The following THBS2 variants were observed in gnomAD, a reference collection of about 807,000 sequenced individuals.
THBS2 encodes the protein thrombospondin-2.
A neutral mutation model predicts 135.2 loss-of-function variants in THBS2; 47 were observed. That is an observed-to-expected ratio of 0.35 (90% confidence interval 0.28 to 0.44). The LOEUF is 0.44. THBS2 is among the 20% of genes least tolerant of loss of function. The pLI is 1.00. For missense variants in THBS2, 1,288 were observed against 1,603.1 expected, an observed-to-expected ratio of 0.80 and a Z score of 3.36; for synonymous variants, 639 against 633.8, an observed-to-expected ratio of 1.01 and a Z score of -0.12.
intron 2 of THBS2, among the ~76,000 whole-genome samples, chr6:169,250,333 A>G (rs1002843014): frequency 6.6e-6 from 1 of 152,224 alleles, no homozygotes; most frequent in Admixed American, 6.5e-5. Context: ...ATTGAAAAAG[A>G]TCAGGCTTTA....
intron 4 of THBS2, among the ~76,000 whole-genome samples, chr6:169,242,855 ACC>A (rs1173115529): frequency 2.7e-4 from 6 of 22,622 alleles, no homozygotes; most frequent in African/African-American, 2.8e-4. Flanking sequence ...CACTGCTCCC[ACC>A]TTCCCACCTT....
Position 169,241,877 on chromosome 6 carries a change from G to A in THBS2, c.776C>T (p.Ser259Leu), listed in dbSNP as rs200708283. 2.3e-4 allele frequency: 377 copies of A among 1,612,260 alleles called. 3 individuals carry two copies. In the Admixed American group the frequency reaches 6.1e-3, roughly 26 times the overall value. The change falls in exon 5 of 22, where the codon TCG becomes TTG. Residue 259 changes from serine (S) to leucine (L), a missense_variant. This residue lies in a region of THBS2 where 414 missense variants were observed against 447.0 expected (regional missense o/e 0.93). Coordinates refer to ENST00000617924, the MANE Select transcript of THBS2 (RefSeq NM_003247.5). The surrounding 1 kb of genome is among the most constrained non-coding windows in gnomAD (Gnocchi z 5.5). ...TTCGCACACCTCGGGCCTCCTCTCC[G>A]AGCTGGGGCCCACGTACTCGGTGGT... ...HVTTEYVGPS[S>L]ERRPEVCERS...
chr6:169,245,717 A>G (rs1012785197), intron 4 of THBS2, among the ~76,000 whole-genome samples: 42 of 149,724 alleles, frequency 2.8e-4, no homozygotes, highest in East Asian at 1.6e-3. Context: ...GCGTGAACCC[A>G]GGAGGCAGAG....
rs9766500 is a variant in THBS2, at chr6:169,242,002, G to A, written c.695-44C>T. On this transcript the variant is annotated intron_variant, in intron 4 of 21. Transcript: ENST00000617924. ...GGGCCGTGAGCATCACAGAGGACGG[G>A]GCCAGCAGCAGGGGCTGGGAACAGA... 1,001 of 1,566,006 alleles carry A rather than the reference G, an allele frequency of 6.4e-4. 6 individuals carry two copies. In the African/African-American group the frequency reaches 0.012, roughly 19 times the overall value.
intron 4 of THBS2, among the ~76,000 whole-genome samples, chr6:169,242,556 C>CA: frequency 6.6e-6 from 1 of 150,722 alleles, no homozygotes; most frequent in Non-Finnish European, 1.5e-5. Flanking sequence ...CACCTTCCCA[C>CA]TGCTCCTAAC....
At chr6:169,239,356 G>A (rs897940790) in intron 7 of THBS2, 22 of 539,714 alleles carry the variant, frequency 4.1e-5, no homozygotes, top group South Asian at 2.5e-4. Flanking sequence ...CAGCTTCCTC[G>A]TCTGAGAAGC....
intron 9 of THBS2, among the ~76,000 whole-genome samples, chr6:169,236,891 C>G (rs1259018544): frequency 6.6e-6 from 1 of 152,256 alleles, no homozygotes; most frequent in Non-Finnish European, 1.5e-5. Context: ...AGCTGCGGTG[C>G]TGGATCATTC....
rs1291099193 is a variant in THBS2, at chr6:169,226,257, T to C, written c.2461A>G (p.Thr821Ala). The change falls in exon 16 of 22, where the codon ACT (threonine) becomes GCT (alanine). Residue 821 changes from threonine to alanine, a missense_variant. Thr to Ala is a moderately conservative substitution (Grantham distance 58). This residue lies in a region of THBS2 where 874 missense variants were observed against 1,156.1 expected (regional missense o/e 0.76). Coordinates refer to ENST00000617924, the MANE Select transcript of THBS2 (RefSeq NM_003247.5). ...ERDNCPYVYN[T>A]DQRDTDGDGV... ...TCACCATCCGTGTCCCTCTGGTCAG[T>C]GTTGTAGACGTAGGGACAATTGTCT... The C allele has an allele frequency of 1.9e-6, 3 of 1,614,128 alleles. No homozygotes were observed. The highest frequency in any genetic ancestry group is 2.2e-5 in the East Asian group (1 of 44,878).
chr6:169,217,460 TCAACTC>T lies in THBS2; in HGVS notation c.*356_*361del. The T allele has an allele frequency of 7.7e-6, 2 of 258,312 alleles. 1 individual carries two copies. The highest frequency in any genetic ancestry group is 1.5e-5 in the Non-Finnish European group (2 of 137,004). The allele number at this position is 258,312 out of a possible 1,614,324, so 16.0% of individuals were successfully genotyped here. On this transcript the variant is annotated 3_prime_UTR_variant, in exon 22 of 22. Coordinates refer to ENST00000617924, the MANE Select transcript of THBS2 (RefSeq NM_003247.5). ...TAATGGCTTATGCACAGTATTCCCT[TCAACTC>T]CATATACACATAAATACAATAAGTA...
chr6:169,239,614 G>A lies in THBS2; in HGVS notation c.1114C>T (p.Pro372Ser). Residue 372 changes from proline to serine, a missense_variant, in exon 7 of 22, where the codon CCT (proline) becomes TCT (serine). Around this residue, in one of 2 missense-constraint regions of THBS2, gnomAD observed 874 missense variants for 1,156.1 expected, o/e 0.76. Coordinates refer to ENST00000617924, the MANE Select transcript of THBS2 (RefSeq NM_003247.5). ...CGATACTCACAGTGGAGGCAGGAAG[G>A]GCAGCATTCGCCTTCCACAAAGGAT... is the stretch of plus-strand genomic sequence containing the variant. ...SPSFVEGECC[P>S]SCLHSVDGEE... 1 of 1,602,632 alleles carries A rather than the reference G, an allele frequency of 6.2e-7. No homozygotes were observed. The highest frequency in any genetic ancestry group is 8.5e-7 in the Non-Finnish European group (1 of 1,175,484).
intron 14 of THBS2, among the ~76,000 whole-genome samples, chr6:169,229,090 TCAATGTCTC>T (rs1779743447): frequency 1.3e-5 from 2 of 152,136 alleles, no homozygotes; most frequent in Non-Finnish European, 2.9e-5. Context: ...GATTAGTGAG[TCAATGTCTC>T]CCATCAAAGT....
intron 7 of THBS2, chr6:169,239,391 G>A (rs539686937): frequency 1.0e-5 from 6 of 576,450 alleles, no homozygotes; most frequent in South Asian, 2.1e-5. Flanking sequence ...TCCCACCCCC[G>A]CGTTCCCAGG....
intron 3 of THBS2, 102 bp downstream of exon 3, chr6:169,248,315 G>A (rs553227291): frequency 1.1e-5 from 15 of 1,381,100 alleles, no homozygotes; most frequent in Admixed American, 1.0e-4. Context: ...TCTAAGGCCA[G>A]GCTCTGCCTG....
intron 13 of THBS2, among the ~76,000 whole-genome samples, chr6:169,231,742 T>A (rs1779841515): frequency 2.0e-5 from 3 of 152,210 alleles, no homozygotes; most frequent in Admixed American, 1.3e-4. Flanking sequence ...TGGGCCGACG[T>A]GCCCGAGGTT....
chr6:169,233,017 T>C lies in THBS2; in HGVS notation c.1652A>G (p.Asp551Gly). 1 of 1,537,452 alleles carries C rather than the reference T, an allele frequency of 6.5e-7. No individual in the cohort carries two copies. The highest frequency in any genetic ancestry group is 1.2e-5 in the South Asian group (1 of 83,742). Residue 551 changes from aspartate to glycine, a missense_variant and splice_region_variant, in exon 11 of 22, where the codon GAT becomes GGT. Transcript: ENST00000617924. Reference sequence around the variant, plus strand: ...GAAGCAGGGGTTGGATAAACAGCCATCTGGGTGGGAGAAGGCGGAGCAGAG... The same window carrying C: ...GAAGCAGGGGTTGGATAAACAGCCACCTGGGTGGGAGAAGGCGGAGCAGAG... ...QMCNKRSCPV[D>G]GCLSNPCFPG...
At chr6:169,244,343 A>ACACAC (rs1562364006) in intron 4 of THBS2, among the ~76,000 whole-genome samples, 4 of 66,496 alleles carry the variant, frequency 6.0e-5, no homozygotes, top group African/African-American at 3.0e-4. Flanking sequence ...CACACACACA[A>ACACAC]GGTGTTTGCT....
rs1187285502 is a variant in THBS2, at chr6:169,232,142, C to T, written c.1989G>A (p.Ala663=). Residue 663 remains alanine, a synonymous_variant, in exon 13 of 22, where the codon GCG becomes GCA. Coordinates refer to ENST00000617924, the MANE Select transcript of THBS2 (RefSeq NM_003247.5). ...KDKTHNCHKH[A]ECIYLGHFSD... Reference sequence around the variant, plus strand: ...TGAAGTGGCCCAGGTAGATGCACTCCGCGTGCTTGTGGCAGTTGTGTGTCT... The same window carrying T: ...TGAAGTGGCCCAGGTAGATGCACTCTGCGTGCTTGTGGCAGTTGTGTGTCT... The T allele has an allele frequency of 1.9e-6, 3 of 1,613,972 alleles. No homozygotes were observed. Among genetic ancestry groups the T allele is most frequent in the Middle Eastern group, 1.6e-4 (1 of 6,084 alleles).
Position 169,225,224 on chromosome 6 carries a change from A to G in THBS2, c.2694T>C (p.Pro898=), listed in dbSNP as rs879518181. The change falls in exon 17 of 22, where the codon CCT becomes CCC. Residue 898 remains proline, a synonymous_variant. Transcript: ENST00000617924. Reference sequence around the variant, plus strand: ...CGGGGACGCCATCGTTGTCATCATCAGGGTCACAGGCGTCGCCCTGGCCGT... The same window carrying G: ...CGGGGACGCCATCGTTGTCATCATCGGGGTCACAGGCGTCGCCCTGGCCGT... The part of the protein sequence containing the change: ...DRDGQGDACD[P]DDDNDGVPDD... 2.5e-6 allele frequency: 4 copies of G among 1,614,016 alleles called. No homozygotes were observed. The highest frequency in any genetic ancestry group is 1.3e-5 in the African/African-American group (1 of 74,916).
At chr6:169,229,746 TGAAA>T in intron 13 of THBS2, 67 bp from the exon 14 acceptor site, 1 of 1,332,482 alleles carries the variant, frequency 7.5e-7, no homozygotes, top group Non-Finnish European at 1.1e-6. Flanking sequence ...GGAATGCAGG[TGAAA>T]TGAAACCAGC....
Sources: gnomAD v4.1 joint callset for allele counts (sites outside exome capture counted in the v4.1 genomes callset) on GRCh38, gnomAD v4.1.1 for gene constraint, gnomAD v4.1.1 regional missense constraint, Gnocchi (gnomAD v3.1) non-coding constraint, MANE v1.5 for transcripts, NCBI Gene and HGNC (gene_info 2026-07-23, HGNC 2026-07-21) for gene names.